The following SLMAP variants were observed in gnomAD, a reference collection of about 807,000 sequenced individuals.
SLMAP encodes the protein sarcolemma associated protein.
A neutral mutation model predicts 128.8 loss-of-function variants in SLMAP; 44 were observed. That is an observed-to-expected ratio of 0.34 (90% CI 0.27 to 0.44). SLMAP has a LOEUF of 0.44. Ranked by LOEUF, SLMAP falls within the 20% of genes least tolerant of loss-of-function variation. SLMAP has a pLI of 1.00. For missense variants in SLMAP, 787 were observed against 985.3 expected, an observed-to-expected ratio of 0.80 and a Z score of 2.69; for synonymous variants, 327 against 348.8, an observed-to-expected ratio of 0.94 and a Z score of 0.70.
At chr3:57,871,815 A>G (rs1263997104) in intron 14 of SLMAP, 117 bp downstream of exon 14, 2 of 704,908 alleles carry the variant, frequency 2.8e-6, no homozygotes, top group Non-Finnish European at 4.9e-6. Flanking sequence ...TTAAAGGGGC[A>G]TCTTTAGACA....
intron 2 of SLMAP, among the ~76,000 whole-genome samples, chr3:57,777,915 G>A (rs2061573): frequency 0.64 from 96,704 of 152,090 alleles, 31,363 homozygotes; most frequent in East Asian, 0.98. Flanking sequence ...TGTTGATATG[G>A]TGAATTTCAT....
chr3:57,845,149 T>C (rs902109522), intron 4 of SLMAP, among the ~76,000 whole-genome samples: 6 of 152,226 alleles, frequency 3.9e-5, no homozygotes, highest in African/African-American at 1.4e-4. Context: ...TTAAAATGCC[T>C]ATTTCAATGT....
At chr3:57,902,628 C>A (rs1487663716) in intron 17 of SLMAP, among the ~76,000 whole-genome samples, 3 of 152,104 alleles carry the variant, frequency 2.0e-5, no homozygotes, top group Non-Finnish European at 4.4e-5. Flanking sequence ...CACTTGGGGC[C>A]TTGGTAATCT....
chr3:57,799,462 A>G (rs946393563), intron 2 of SLMAP, among the ~76,000 whole-genome samples: 1 of 152,150 alleles, frequency 6.6e-6, no homozygotes, highest in Non-Finnish European at 1.5e-5. Flanking sequence ...CCCCACGTTT[A>G]CTTTTTGTAT....
chr3:57,811,038 C>T (rs995639460), intron 2 of SLMAP, among the ~76,000 whole-genome samples: 1 of 152,102 alleles, frequency 6.6e-6, no homozygotes, highest in African/African-American at 2.4e-5. Context: ...GAACTCTAGG[C>T]TCATATATCC....
At chr3:57,783,359 G>A (rs1209411453) in intron 2 of SLMAP, among the ~76,000 whole-genome samples, 1 of 152,212 alleles carries the variant, frequency 6.6e-6, no homozygotes, top group Non-Finnish European at 1.5e-5. Flanking sequence ...ACTGGAAACA[G>A]GAGTAAAGGT....
chr3:57,868,696 C>T (rs907453426), intron 13 of SLMAP, among the ~76,000 whole-genome samples: 1 of 150,394 alleles, frequency 6.6e-6, no homozygotes, highest in African/African-American at 2.5e-5. Context: ...CACTGTACTC[C>T]AGCCTGGACA....
In SLMAP at chr3:57,757,655, C is replaced by T. The variant is rs973236515; in HGVS notation, c.4C>T (p.Pro2Ser). The T allele has an allele frequency of 3.1e-6, 5 of 1,613,928 alleles. No homozygotes were observed. The African/African-American group carries it at 4.0e-5, about 13-fold the overall frequency. M[P>S]SALAIFTCRP... ...AGACACCCCCAGTCTATCCTCGATGCCGTCAGCCTTGGCCATCTTCACTTG... is the reference window on the plus strand; with the variant it reads ...AGACACCCCCAGTCTATCCTCGATGTCGTCAGCCTTGGCCATCTTCACTTG... The change falls in exon 2 of 25, where the codon CCG (proline) becomes TCG (serine). Residue 2 changes from proline to serine, a missense_variant. By Grantham distance (74) the Pro-to-Ser change is moderately conservative. Coordinates refer to ENST00000671191, the MANE Select transcript of SLMAP (RefSeq NM_001377540.1).
intron 2 of SLMAP, among the ~76,000 whole-genome samples, chr3:57,763,855 A>C (rs2079147049): frequency 6.6e-6 from 1 of 151,962 alleles, no homozygotes; most frequent in South Asian, 2.1e-4. Flanking sequence ...TTTTGTGGGG[A>C]TGAGGATGGA....
chr3:57,806,170 A>G (rs266841), intron 2 of SLMAP, among the ~76,000 whole-genome samples: 23,561 of 151,844 alleles, frequency 0.16, 2,417 homozygotes, highest in East Asian at 0.43. Flanking sequence ...TAAGCCCTGT[A>G]TGCATTAGCC....
Position 57,757,804 on chromosome 3 carries a change from A to G in SLMAP, c.153A>G (p.Leu51=), listed in dbSNP as rs147270008. The G allele has an allele frequency of 1.1e-5, 17 of 1,614,056 alleles. No homozygotes were observed. Among genetic ancestry groups the G allele is most frequent in the African/African-American group, 5.3e-5 (4 of 74,916 alleles). Residue 51 remains leucine, a synonymous_variant, in exon 2 of 25, where the codon CTA becomes CTG. Coordinates refer to ENST00000671191, the MANE Select transcript of SLMAP (RefSeq NM_001377540.1). ...QNNATFDCKV[L]SRNHALVWFD... is the part of the protein sequence containing the mutation. ...ATGCCACTTTTGATTGCAAAGTGCT[A>G]TCAAGGAACCACGCTCTCGTCTGGT...
At chr3:57,812,950 A>G (rs1276673453) in intron 2 of SLMAP, among the ~76,000 whole-genome samples, 2 of 151,678 alleles carry the variant, frequency 1.3e-5, no homozygotes, top group African/African-American at 2.4e-5. Flanking sequence ...AATGCAACTG[A>G]TTTTCCTGTA....
At chr3:57,906,580 G>A (rs1251959411) in intron 17 of SLMAP, among the ~76,000 whole-genome samples, 3 of 147,740 alleles carry the variant, frequency 2.0e-5, no homozygotes, top group Admixed American at 6.8e-5. Context: ...GCCTCCCAGA[G>A]TGCTAGGATT....
intron 22 of SLMAP, chr3:57,917,490 C>T (rs963921612): frequency 1.1e-5 from 2 of 181,888 alleles, no homozygotes; most frequent in Non-Finnish European, 2.3e-5. Flanking sequence ...ACTTAAAATT[C>T]ACCTCATAGC....
chr3:57,891,596 G>GTTTTTT, intron 15 of SLMAP, among the ~76,000 whole-genome samples: 1 of 147,600 alleles, frequency 6.8e-6, no homozygotes, highest in Non-Finnish European at 1.5e-5. Flanking sequence ...TTTTCCTTGA[G>GTTTTTT]ACGGAGTTTC....
chr3:57,768,123 A>G (rs941178794), intron 2 of SLMAP, among the ~76,000 whole-genome samples: 1 of 152,200 alleles, frequency 6.6e-6, no homozygotes, highest in Non-Finnish European at 1.5e-5. Context: ...TTCATGCTTT[A>G]TAAGAGAGTA....
At chr3:57,885,262 A>G (rs1174659139) in intron 14 of SLMAP, among the ~76,000 whole-genome samples, 2 of 144,898 alleles carry the variant, frequency 1.4e-5, no homozygotes, top group East Asian at 2.1e-4. Context: ...AGTAGAGACA[A>G]GGTTTCTCCA....
intron 24 of SLMAP, 112 bp downstream of exon 24, chr3:57,926,046 A>C: frequency 4.2e-6 from 3 of 722,432 alleles, no homozygotes; most frequent in Non-Finnish European, 4.8e-6. Flanking sequence ...CCTGAAGCAA[A>C]CCCTTCATTT....
At chr3:57,810,600 T>C (rs1005428008) in intron 2 of SLMAP, among the ~76,000 whole-genome samples, 1 of 152,212 alleles carries the variant, frequency 6.6e-6, no homozygotes, top group Non-Finnish European at 1.5e-5. Context: ...CATTCCTCTG[T>C]GTCCATTTTC....
Sources: gnomAD v4.1 joint callset for allele counts (sites outside exome capture counted in the v4.1 genomes callset) on GRCh38, gnomAD v4.1.1 for gene constraint, MANE v1.5 for transcripts, NCBI Gene and HGNC (gene_info 2026-07-23, HGNC 2026-07-21) for gene names.